Variants in UBE2E2 observed in about 807,000 individuals in gnomAD.
UBE2E2 encodes ubiquitin conjugating enzyme E2 E2, also known as ubiquitin-conjugating enzyme E2 E2.
UBE2E2 carries 6 observed loss-of-function variants against 24.7 expected under a neutral mutation model. The ratio of observed to expected loss-of-function variants is 0.24; its 90% CI spans 0.13 to 0.48. The LOEUF is 0.48. Ranked by LOEUF, UBE2E2 falls within the 20% of genes least tolerant of loss-of-function variation. The pLI, the probability that UBE2E2 is intolerant of heterozygous loss-of-function variation, is 0.99. For missense variants in UBE2E2, 169 were observed against 245.0 expected (o/e 0.69, Z 2.07); for synonymous variants, 104 against 83.6 (o/e 1.24, Z -1.33).
At chr3:23,246,085 C>T (rs1697388911) in intron 3 of UBE2E2, among the ~76,000 whole-genome samples, 1 of 152,112 alleles carries the variant, frequency 6.6e-6, no homozygotes, top group Admixed American at 6.5e-5. Context: ...TGTTCTATCA[C>T]CCAAGCTGGC....
chr3:23,446,707 T>G (rs1698438986), intron 3 of UBE2E2, among the ~76,000 whole-genome samples: 1 of 142,050 alleles, frequency 7.0e-6, no homozygotes, highest in Non-Finnish European at 1.5e-5. Context: ...TGGTTTTTTT[T>G]TTTTTTTTTT....
chr3:23,243,732 T>G (rs926061700), intron 3 of UBE2E2, among the ~76,000 whole-genome samples: 1 of 147,704 alleles, frequency 6.8e-6, no homozygotes, highest in African/African-American at 2.5e-5. Flanking sequence ...AAATCACTTG[T>G]CTACAAATAG....
At chr3:23,421,207 A>T (rs1697788588) in intron 3 of UBE2E2, among the ~76,000 whole-genome samples, 1 of 152,200 alleles carries the variant, frequency 6.6e-6, no homozygotes, top group Non-Finnish European at 1.5e-5. Context: ...TTTAACAAAT[A>T]TTTTAGTGCA....
At chr3:23,570,244 C>T (rs1696190613) in intron 5 of UBE2E2, among the ~76,000 whole-genome samples, 1 of 152,142 alleles carries the variant, frequency 6.6e-6, no homozygotes, top group Non-Finnish European at 1.5e-5. Flanking sequence ...ACATGGTTGT[C>T]ATCTTCCTGC....
At chr3:23,433,964 TTATATGGAAC>T (rs1194761042) in intron 3 of UBE2E2, among the ~76,000 whole-genome samples, 1 of 152,034 alleles carries the variant, frequency 6.6e-6, no homozygotes, top group African/African-American at 2.4e-5. Context: ...ATCCTCAATA[TTATATGGAAC>T]TATTTATAAT....
At chr3:23,444,567 A>C (rs1194794865) in intron 3 of UBE2E2, among the ~76,000 whole-genome samples, 1 of 152,198 alleles carries the variant, frequency 6.6e-6, no homozygotes. Flanking sequence ...TCCCAGACCT[A>C]AGTATTGAAG....
intron 3 of UBE2E2, among the ~76,000 whole-genome samples, chr3:23,271,385 G>A (rs1010023489): frequency 2.6e-5 from 4 of 152,254 alleles, no homozygotes; most frequent in South Asian, 4.2e-4. Context: ...TAAAGGTGGC[G>A]CGGACCCAAA....
intron 2 of UBE2E2, among the ~76,000 whole-genome samples, chr3:23,214,969 T>C (rs1696435714): frequency 6.6e-6 from 1 of 152,152 alleles, no homozygotes; most frequent in Non-Finnish European, 1.5e-5. Flanking sequence ...TATCTTTTGA[T>C]TCCCTGCTCT....
intron 3 of UBE2E2, among the ~76,000 whole-genome samples, chr3:23,457,872 AGCCTT>A (rs1698716187): frequency 6.6e-6 from 1 of 152,232 alleles, no homozygotes; most frequent in Non-Finnish European, 1.5e-5. Context: ...AGTTAGTTAC[AGCCTT>A]GCGCTGGATT....
At chr3:23,240,022 A>G (rs1259533288) in intron 3 of UBE2E2, among the ~76,000 whole-genome samples, 1 of 152,158 alleles carries the variant, frequency 6.6e-6, no homozygotes, top group Non-Finnish European at 1.5e-5. Flanking sequence ...CCTGGGGTAT[A>G]ACTTTTTTAT....
At position 23,351,613 on chromosome 3, in the gene UBE2E2, A is replaced by T. The variant is rs537394721; in HGVS notation, c.227+134301A>T. ...TCTCTGATAAAACAGACTTTAAACC[A>T]ACAAAGATCAAAAGAGACAAAGAAG... is the stretch of plus-strand genomic sequence containing the variant. On this transcript the variant is annotated intron_variant, in intron 3 of 5. Coordinates refer to ENST00000396703, the MANE Select transcript of UBE2E2 (RefSeq NM_152653.4). 3.8e-3 allele frequency among the ~76,000 whole-genome samples: 582 copies of T among 152,274 alleles called. 3 individuals are homozygous for T. The highest frequency in any genetic ancestry group is 0.013 in the African/African-American group (527 of 41,548).
intron 4 of UBE2E2, among the ~76,000 whole-genome samples, chr3:23,510,265 A>G (rs959988065): frequency 1.3e-5 from 2 of 152,160 alleles, no homozygotes; most frequent in African/African-American, 4.8e-5. Flanking sequence ...TGTCCTGCCA[A>G]AAATAAGGAG....
At chr3:23,547,223 A>G (rs1021331314) in intron 5 of UBE2E2, among the ~76,000 whole-genome samples, 2 of 152,166 alleles carry the variant, frequency 1.3e-5, no homozygotes, top group African/African-American at 4.8e-5. Flanking sequence ...CAACAATAAG[A>G]CATTTTTTTC....
intron 3 of UBE2E2, among the ~76,000 whole-genome samples, chr3:23,492,136 C>A (rs1251539098): frequency 1.3e-4 from 20 of 152,084 alleles, no homozygotes. Flanking sequence ...TGGAGTAGAA[C>A]CCTAAATTAG....
chr3:23,568,395 A>C (rs1696127240), intron 5 of UBE2E2, among the ~76,000 whole-genome samples: 1 of 152,048 alleles, frequency 6.6e-6, no homozygotes, highest in Non-Finnish European at 1.5e-5. Flanking sequence ...TTTGAACAAA[A>C]GGTGTGCATT....
chr3:23,286,161 A>G (rs1230002846), intron 3 of UBE2E2, among the ~76,000 whole-genome samples: 1 of 152,070 alleles, frequency 6.6e-6, no homozygotes, highest in Non-Finnish European at 1.5e-5. Context: ...TTTTTGGTGT[A>G]GAAGCTTTAT....
At chr3:23,584,116 T>C (rs1195928529) in intron 5 of UBE2E2, among the ~76,000 whole-genome samples, 1 of 152,220 alleles carries the variant, frequency 6.6e-6, no homozygotes, top group East Asian at 1.9e-4. Flanking sequence ...TGTTGAGGGT[T>C]TTTAACATGA....
At chr3:23,481,853 C>A (rs1004261617) in intron 3 of UBE2E2, among the ~76,000 whole-genome samples, 1 of 152,156 alleles carries the variant, frequency 6.6e-6, no homozygotes, top group Non-Finnish European at 1.5e-5. Flanking sequence ...GTTGATGGTT[C>A]TTAAATAGCA....
intron 3 of UBE2E2, among the ~76,000 whole-genome samples, chr3:23,233,624 T>C (rs1297751962): frequency 6.6e-6 from 1 of 152,146 alleles, no homozygotes; most frequent in Non-Finnish European, 1.5e-5. Context: ...GCTTGGATGA[T>C]CTCCAAGTGG....
Sources: allele counts gnomAD v4.1 joint callset (sites outside exome capture counted in the v4.1 genomes callset), GRCh38; gene constraint gnomAD v4.1.1; transcripts MANE v1.5; gene names NCBI Gene and HGNC (gene_info 2026-07-23, HGNC 2026-07-21).